Variants in L1TD1 observed in about 807,000 individuals in gnomAD.
L1TD1 encodes the protein LINE-1 type transposase domain-containing protein 1.
L1TD1 carries 26 observed loss-of-function variants against 25.7 expected under a neutral mutation model. The ratio of observed to expected loss-of-function variants is 1.01; its 90% CI spans 0.74 to 1.40. The LOEUF (loss-of-function observed/expected upper bound fraction) is 1.40, where lower values mean the gene tolerates loss of function less well. Ranked by LOEUF, L1TD1 falls within the 40% of genes most tolerant of loss-of-function variation. The pLI is 0.00. For synonymous variants in L1TD1, 421 were observed against 335.6 expected (o/e 1.25, Z -2.78); for missense variants, 1,130 against 975.0 (o/e 1.16, Z -2.12).
In L1TD1 at chr1:62,210,537, A is replaced by G. The variant is rs1242353356; in HGVS notation, c.1763A>G (p.Lys588Arg). 1.2e-6 allele frequency: 2 copies of G among 1,612,816 alleles called. No homozygotes were observed. The highest frequency in any genetic ancestry group is 1.7e-6 in the Non-Finnish European group (2 of 1,179,808). The change falls in exon 4 of 4, where the codon AAA (lysine) becomes AGA (arginine). Residue 588 changes from lysine to arginine, a missense_variant. Coordinates refer to ENST00000498273, the MANE Select transcript of L1TD1 (RefSeq NM_019079.5). ...TCAACAGGAGTCACCAAACTTAAGA[A>G]AACAGAAGAAAAGAAACACAGAACT... ...SISTGVTKLK[K>R]TEEKKHRTLH...
chr1:62,202,549 T>C (rs1434032912), intron 2 of L1TD1, among the ~76,000 whole-genome samples: 1 of 145,840 alleles, frequency 6.9e-6, no homozygotes, highest in Non-Finnish European at 1.5e-5. Flanking sequence ...TTCTTTTCTT[T>C]TTTTTTTTTT....
chr1:62,206,906 C>A lies in L1TD1; in HGVS notation c.278C>A (p.Ser93Ter). 1 of 1,613,758 alleles carries A rather than the reference C, an allele frequency of 6.2e-7. No individual in the cohort carries two copies. Reference sequence around the variant, plus strand: ...GCTACAATACCTGAGGTAAAGAATTCAGAGAACTCCAGTAGTAGGACAGAG... The same window carrying A: ...GCTACAATACCTGAGGTAAAGAATTAAGAGAACTCCAGTAGTAGGACAGAG... ...GKATIPEVKN[S>*]ENSSSRTEFQ... The change falls in exon 3 of 4, where the codon TCA becomes TAA. Residue 93 changes from serine (S) to a stop codon, truncating the protein, a stop_gained. Transcript: ENST00000498273. LOFTEE classifies it high-confidence loss of function.
In L1TD1 at chr1:62,206,999, C is replaced by G. The variant is rs1557444706; in HGVS notation, c.371C>G (p.Ser124Cys). ...GTAGGGAAAATAGAAGGAGAAAACT[C>G]TAAAATAGGTGATGATAATGAAAAT... ...GMVGKIEGEN[S>C]KIGDDNENLT... The change falls in exon 3 of 4, where the codon TCT (serine) becomes TGT (cysteine). Residue 124 changes from serine to cysteine, a missense_variant. Coordinates refer to ENST00000498273, the MANE Select transcript of L1TD1 (RefSeq NM_019079.5). 6.2e-7 allele frequency: 1 copy of G among 1,612,912 alleles called. No individual in the cohort carries two copies. The highest frequency in any genetic ancestry group is 1.3e-5 in the African/African-American group (1 of 74,852).
At chr1:62,199,252 C>A (rs1670597775) in intron 2 of L1TD1, among the ~76,000 whole-genome samples, 1 of 152,106 alleles carries the variant, frequency 6.6e-6, no homozygotes, top group South Asian at 2.1e-4. Context: ...AATCTCAGCA[C>A]TTTGGGAGGC....
chr1:62,204,452 T>C (rs1464539984), intron 2 of L1TD1, among the ~76,000 whole-genome samples: 8 of 152,248 alleles, frequency 5.3e-5, no homozygotes. Context: ...CATTTTAAAA[T>C]TTAAATAACT....
chr1:62,208,806 T>C (rs970243766), intron 3 of L1TD1, among the ~76,000 whole-genome samples: 2 of 152,204 alleles, frequency 1.3e-5, no homozygotes, highest in African/African-American at 4.8e-5. Context: ...GCCAATATTT[T>C]TTTACATGTT....
rs979128102 is a variant in L1TD1 at position 62,210,234 on chromosome 1, C to G, written c.1460C>G (p.Ser487Cys). 100 of 1,613,890 alleles carry G rather than the reference C, an allele frequency of 6.2e-5. No homozygotes were observed. The highest frequency in any genetic ancestry group is 8.3e-5 in the Non-Finnish European group (98 of 1,180,028). ...GAGGAGGAAGAAGAAGGAAAGAGCTCTGAAACAGGAAAGGTAAAGACTACC... is the reference window on the plus strand; with the variant it reads ...GAGGAGGAAGAAGAAGGAAAGAGCTGTGAAACAGGAAAGGTAAAGACTACC... ...ESEEEEEGKSSETGKVKTTSL... is the reference protein window; with the variant it reads ...ESEEEEEGKSCETGKVKTTSL... Residue 487 changes from serine to cysteine, a missense_variant, in exon 4 of 4, where the codon TCT becomes TGT. Coordinates refer to ENST00000498273, the MANE Select transcript of L1TD1 (RefSeq NM_019079.5).
chr1:62,201,570 AT>A (rs1486941658), intron 2 of L1TD1, among the ~76,000 whole-genome samples: 7 of 151,184 alleles, frequency 4.6e-5, no homozygotes, highest in African/African-American at 1.5e-4. Context: ...AAAAACAAAT[AT>A]TTTCCCCCAT....
Position 62,206,639 on chromosome 1 carries a change from T to A in L1TD1, c.11T>A (p.Val4Glu). Residue 4 changes from valine to glutamate, a missense_variant, in exon 3 of 4, where the codon GTA becomes GAA. By Grantham distance (121) the Val-to-Glu change is moderately radical. Transcript: ENST00000498273. MSD[V>E]STSVQSKFAR... ...GACAACATATCCACAATGTCTGATG[T>A]ATCTACTAGTGTACAATCAAAATTT... The A allele has an allele frequency of 2.0e-6, 3 of 1,520,486 alleles. No individual in the cohort carries two copies. The highest frequency in any genetic ancestry group is 1.4e-5 in the African/African-American group (1 of 71,684). 94.2% of individuals were successfully genotyped at this position (1,520,486 alleles called of 1,614,324 possible).
At position 62,210,191 on chromosome 1, in the gene L1TD1, G is replaced by A; in HGVS notation, c.1417G>A (p.Val473Ile). ...DGMETTFIDSVEDSESEEEEE... is the reference protein window; with the variant it reads ...DGMETTFIDSIEDSESEEEEE... ...CATGGAAACTACTTTCATTGACTCTGTAGAGGATTCTGAATCAGAGGAGGA... is the reference window on the plus strand; with the variant it reads ...CATGGAAACTACTTTCATTGACTCTATAGAGGATTCTGAATCAGAGGAGGA... The change falls in exon 4 of 4, where the codon GTA becomes ATA. Residue 473 changes from valine to isoleucine, a missense_variant. Transcript: ENST00000498273. The A allele has an allele frequency of 6.2e-7, 1 of 1,614,044 alleles. No homozygotes were observed. The highest frequency in any genetic ancestry group is 8.5e-7 in the Non-Finnish European group (1 of 1,180,002).
Position 62,209,796 on chromosome 1 carries a change from T to TA in L1TD1, c.1023dup (p.Asp342ArgfsTer5). On this transcript the variant is annotated frameshift_variant, in exon 4 of 4. Transcript: ENST00000498273. LOFTEE classifies it low-confidence loss of function (END_TRUNC). The stretch of plus-strand genomic sequence containing the variant: ...TTTAACTTTCAGGATAAAACCCTAA[T>TA]AGACTCAAAGCATAGAGCTGGAGAA... The TA allele has an allele frequency of 6.4e-7, 1 of 1,572,904 alleles. No homozygotes were observed. Among genetic ancestry groups the TA allele is most frequent in the Non-Finnish European group, 8.6e-7 (1 of 1,158,340 alleles).
intron 2 of L1TD1, among the ~76,000 whole-genome samples, chr1:62,204,631 T>G (rs1570925757): frequency 1.3e-5 from 2 of 152,314 alleles, no homozygotes; most frequent in South Asian, 4.1e-4. Flanking sequence ...GTTGAACTTC[T>G]GGGCTCAAGT....
intron 2 of L1TD1, among the ~76,000 whole-genome samples, chr1:62,205,383 C>CTT (rs1557443389): frequency 1.8e-5 from 1 of 54,094 alleles, no homozygotes; most frequent in Non-Finnish European, 3.8e-5. Flanking sequence ...TTCTCTCTCT[C>CTT]TCTCTTTCTC....
rs767320925 is a variant in L1TD1, at chr1:62,209,896, A to G, written c.1122A>G (p.Leu374=). The change falls in exon 4 of 4, where the codon TTA becomes TTG. Residue 374 remains leucine (L), a synonymous_variant. Transcript: ENST00000498273. ...CTAAGCCAGAGGAGATGAAAAACTT[A>G]GAGACTCAAGAGGAAGAGTTTTCCG... ...KVAKPEEMKN[L]ETQEEEFSEL... The G allele has an allele frequency of 5.8e-5, 93 of 1,614,178 alleles. 1 individual carries two copies. The South Asian group carries it at 1.0e-3, about 18-fold the overall frequency.
chr1:62,207,492 T>A lies in L1TD1; in HGVS notation c.864T>A (p.Gly288=), dbSNP rs1670774910. Residue 288 remains glycine (G), a synonymous_variant, in exon 3 of 4, where the codon GGT becomes GGA. Coordinates refer to ENST00000498273, the MANE Select transcript of L1TD1 (RefSeq NM_019079.5). ...TTAAATTAGCATTTAAATGTGATGG[T>A]GAAATAAAGACATTTTCAGATCTGC... is the stretch of plus-strand genomic sequence containing the variant. ...CEVKLAFKCD[G]EIKTFSDLQS... 3 of 1,551,090 alleles carry A rather than the reference T, an allele frequency of 1.9e-6. No homozygotes were observed. Among genetic ancestry groups the A allele is most frequent in the Non-Finnish European group, 2.6e-6 (3 of 1,146,874 alleles).
intron 2 of L1TD1, among the ~76,000 whole-genome samples, chr1:62,200,167 C>A (rs190835198): frequency 1.3e-5 from 2 of 151,888 alleles, no homozygotes; most frequent in African/African-American, 4.8e-5. Context: ...ATATATATAA[C>A]AATGTATATT....
At position 62,207,185 on chromosome 1, in the gene L1TD1, GAAATCGCAA is replaced by G. The variant is rs1000066997; in HGVS notation, c.558_566del (p.Asn187_Asn189del). On this transcript the variant is annotated inframe_deletion, in exon 3 of 4. Transcript: ENST00000498273. The stretch of plus-strand genomic sequence containing the variant: ...TTATGCAATATAGATGACAGAGATG[GAAATCGCAA>G]TGTCCATTTAGAATTTACAGAAAGA... 15 of 1,552,982 alleles carry G rather than the reference GAAATCGCAA, an allele frequency of 9.7e-6. No homozygotes were observed. The highest frequency in any genetic ancestry group is 1.2e-5 in the Non-Finnish European group (14 of 1,147,522).
chr1:62,202,541 C>CTTTTTT (rs1670660110), intron 2 of L1TD1, among the ~76,000 whole-genome samples: 1 of 89,202 alleles, frequency 1.1e-5, no homozygotes, highest in African/African-American at 4.8e-5. Context: ...TTTTCTTTTT[C>CTTTTTT]TTTTCTTTTT....
chr1:62,205,294 C>T (rs547202428), intron 2 of L1TD1, among the ~76,000 whole-genome samples: 34 of 150,868 alleles, frequency 2.3e-4, no homozygotes, highest in East Asian at 1.4e-3. Flanking sequence ...GCCGAGATCG[C>T]GCCATTGCAC....
Sources: allele counts gnomAD v4.1 joint callset (sites outside exome capture counted in the v4.1 genomes callset), GRCh38; gene constraint gnomAD v4.1.1; transcripts MANE v1.5; gene names NCBI Gene and HGNC (gene_info 2026-07-23, HGNC 2026-07-21).